The following DDX42 variants were observed in gnomAD, a reference collection of about 807,000 sequenced individuals.
DDX42 encodes DEAD-box helicase 42.
DDX42 carries 22 observed loss-of-function variants against 101.5 expected under a neutral mutation model. That is an observed-to-expected ratio of 0.22 (90% CI 0.15 to 0.31). DDX42 has a LOEUF of 0.31. Among genes scored for constraint, DDX42 ranks in the 10% least tolerant of loss-of-function variants. The pLI, the probability that DDX42 is intolerant of heterozygous loss-of-function variation, is 1.00. For synonymous variants in DDX42, 402 were observed against 401.2 expected (o/e 1.00, Z -0.02); for missense variants, 849 against 1,199.9 (o/e 0.71, Z 4.32).
At chr17:63,817,596 GCA>G (rs750402737) in intron 17 of DDX42, 96 bp from the exon 18 acceptor site, 12 of 1,190,926 alleles carry the variant, frequency 1.0e-5, no homozygotes, top group Non-Finnish European at 1.4e-5. Flanking sequence ...TGCCAGGATA[GCA>G]CAGAGTTTCT....
At chr17:63,788,633 T>C (rs1367713933) in intron 2 of DDX42, among the ~76,000 whole-genome samples, 1 of 152,154 alleles carries the variant, frequency 6.6e-6, no homozygotes, top group East Asian at 1.9e-4. Context: ...AAAACTAGTA[T>C]GTTGGAACGT....
Position 63,788,638 on chromosome 17 carries a change from G to A in DDX42, c.221+1368G>A, listed in dbSNP as rs144657046. Among the ~76,000 whole-genome samples, 307 of 152,168 alleles carry A rather than the reference G, an allele frequency of 2.0e-3. 3 individuals carry two copies. Among genetic ancestry groups the A allele is most frequent in the African/African-American group, 6.9e-3 (286 of 41,512 alleles). ...CTAAGTCTTCAAAACTAGTATGTTGGAACGTCTGATAGTGGTAGAAAAATC... is the reference window on the plus strand; with the variant it reads ...CTAAGTCTTCAAAACTAGTATGTTGAAACGTCTGATAGTGGTAGAAAAATC... On this transcript the variant is annotated intron_variant, in intron 2 of 17. Transcript: ENST00000389924.
intron 8 of DDX42, 86 bp from the exon 9 acceptor site, chr17:63,807,638 G>A: frequency 7.9e-7 from 1 of 1,259,850 alleles, no homozygotes; most frequent in South Asian, 1.4e-5. Flanking sequence ...AAAAATGTTA[G>A]TAGTCATTTA....
chr17:63,804,763 T>G (rs1236756878), intron 6 of DDX42, among the ~76,000 whole-genome samples: 1 of 152,078 alleles, frequency 6.6e-6, no homozygotes, highest in Non-Finnish European at 1.5e-5. Flanking sequence ...GCGTGAGAAT[T>G]GTTTGAACCG....
intron 12 of DDX42, 86 bp from the exon 13 acceptor site, chr17:63,810,990 G>C: frequency 9.1e-7 from 1 of 1,099,796 alleles, no homozygotes; most frequent in Non-Finnish European, 1.3e-6. Flanking sequence ...TAAAAAAACT[G>C]AATAATCCTG....
intron 2 of DDX42, among the ~76,000 whole-genome samples, chr17:63,787,834 C>T (rs1179650305): frequency 6.6e-6 from 1 of 151,874 alleles, no homozygotes; most frequent in East Asian, 1.9e-4. Flanking sequence ...GAGCAAGACT[C>T]CCATCTCAGA....
At chr17:63,796,347 T>C (rs1262284089) in intron 3 of DDX42, among the ~76,000 whole-genome samples, 3 of 152,220 alleles carry the variant, frequency 2.0e-5, no homozygotes, top group African/African-American at 7.2e-5. Context: ...TTCACCCTTG[T>C]TGCCCAGGCT....
chr17:63,800,279 A>C (rs117826405), intron 5 of DDX42, 189 bp from the exon 6 acceptor site: 11,527 of 560,608 alleles, frequency 0.021, 168 homozygotes, highest in Non-Finnish European at 0.028. Flanking sequence ...CTAACTGTTT[A>C]ATTCATTTCT....
In DDX42 at chr17:63,805,284, G is replaced by A. The variant is rs547731214; in HGVS notation, c.726+109G>A. The A allele has an allele frequency of 2.4e-5, 32 of 1,358,120 alleles. No homozygotes were observed. In the East Asian group the frequency reaches 7.7e-4, roughly 33 times the overall value. The allele number at this position is 1,358,120 out of a possible 1,614,324, so 84.1% of individuals were successfully genotyped here. On this transcript the variant is annotated intron_variant, in intron 7 of 17. Coordinates refer to ENST00000389924, the MANE Select transcript of DDX42 (RefSeq NM_203499.3). ...TTGAATTTCTTTTCTAATGGTCTCT[G>A]AACTGTCTTTGCCAGAGTAATTATT...
chr17:63,817,513 C>A, intron 17 of DDX42, 181 bp from the exon 18 acceptor site: 1 of 602,644 alleles, frequency 1.7e-6, no homozygotes, highest in Non-Finnish European at 2.9e-6. Context: ...CCACAGAGAT[C>A]CACAAGTTTT....
intron 1 of DDX42, among the ~76,000 whole-genome samples, chr17:63,779,241 C>T (rs1395939850): frequency 6.6e-6 from 1 of 151,878 alleles, no homozygotes; most frequent in Non-Finnish European, 1.5e-5. Context: ...GTTGAATTTC[C>T]CCAAGTGTGT....
intron 4 of DDX42, among the ~76,000 whole-genome samples, chr17:63,798,610 A>G (rs1303525945): frequency 2.0e-5 from 3 of 152,220 alleles, no homozygotes; most frequent in African/African-American, 4.8e-5. Flanking sequence ...AAACCTGTGT[A>G]TAAGGAGGGC....
chr17:63,789,825 G>A (rs1462362953), intron 2 of DDX42, among the ~76,000 whole-genome samples: 4 of 151,856 alleles, frequency 2.6e-5, no homozygotes, highest in African/African-American at 7.3e-5. Context: ...TGCCTGCCTC[G>A]GCCTCCCAAA....
chr17:63,777,818 G>A (rs558492806), intron 1 of DDX42, among the ~76,000 whole-genome samples: 2 of 152,268 alleles, frequency 1.3e-5, no homozygotes, highest in South Asian at 4.1e-4. Context: ...ATGCTTTGAA[G>A]GATAGGACTT....
At chr17:63,792,324 A>G in intron 2 of DDX42, 88 bp from the exon 3 acceptor site, 1 of 1,407,812 alleles carries the variant, frequency 7.1e-7, no homozygotes, top group Non-Finnish European at 9.7e-7. Context: ...TAATAATAAG[A>G]TATACCATAA....
intron 16 of DDX42, chr17:63,816,104 A>G (rs2039974348): frequency 6.6e-6 from 1 of 152,466 alleles, no homozygotes; most frequent in African/African-American, 2.4e-5. Flanking sequence ...ATATCTTGTC[A>G]TTAAACTCAG....
intron 11 of DDX42, 84 bp from the exon 12 acceptor site, chr17:63,810,429 G>A: frequency 7.0e-7 from 1 of 1,419,672 alleles, no homozygotes; most frequent in Non-Finnish European, 9.8e-7. Context: ...AACTTCTTAT[G>A]AAGACTTTTA....
chr17:63,807,028 G>A (rs1275584712), intron 8 of DDX42, among the ~76,000 whole-genome samples: 1 of 152,144 alleles, frequency 6.6e-6, no homozygotes, highest in Non-Finnish European at 1.5e-5. Flanking sequence ...TTCTTATGCA[G>A]AACATTCTCA....
At chr17:63,786,975 C>G in intron 1 of DDX42, 59 bp from the exon 2 acceptor site, 1 of 1,580,656 alleles carries the variant, frequency 6.3e-7, no homozygotes, top group African/African-American at 1.3e-5. Flanking sequence ...CGCGCCCGGC[C>G]CTTGGGGCTA....
Sources: allele counts gnomAD v4.1 joint callset (sites outside exome capture counted in the v4.1 genomes callset), GRCh38; gene constraint gnomAD v4.1.1; transcripts MANE v1.5; gene names NCBI Gene and HGNC (gene_info 2026-07-23, HGNC 2026-07-21).